C3orf62: variants seen among roughly 807,000 people sequenced by gnomAD.
C3orf62 encodes chromosome 3 open reading frame 62.
C3orf62 carries 16 observed loss-of-function variants against 21.7 expected under a neutral mutation model. The ratio of observed to expected loss-of-function variants is 0.74; its 90% CI spans 0.50 to 1.12. C3orf62 has a LOEUF of 1.12. Ranked by LOEUF, C3orf62 falls within the 50% of genes most tolerant of loss-of-function variation. The pLI is 0.00. For synonymous variants in C3orf62, 114 were observed against 117.0 expected, an observed-to-expected ratio of 0.97 and a Z score of 0.17; for missense variants, 310 against 318.8, an observed-to-expected ratio of 0.97 and a Z score of 0.21.
chr3:49,271,971 G>T (rs1267987494), intron 2 of C3orf62, among the ~76,000 whole-genome samples: 1 of 150,656 alleles, frequency 6.6e-6, no homozygotes, highest in Non-Finnish European at 1.5e-5. Context: ...TGAAAGCCAA[G>T]GAAGATGGTG....
At chr3:49,271,472 C>A (rs2046911490) in intron 2 of C3orf62, 27 bp from the exon 3 acceptor site, 1 of 1,596,608 alleles carries the variant, frequency 6.3e-7, no homozygotes, top group African/African-American at 1.3e-5. Context: ...TTCAGCTTTA[C>A]AATTCCAGTG....
At chr3:49,271,902 C>A (rs2046913552) in intron 2 of C3orf62, among the ~76,000 whole-genome samples, 2 of 137,208 alleles carry the variant, frequency 1.5e-5, no homozygotes, top group African/African-American at 5.6e-5. Context: ...CAGAGTGAGG[C>A]CCTGTCTCAA....
intron 1 of C3orf62, 133 bp from the exon 2 acceptor site, chr3:49,274,273 A>G (rs543681060): frequency 3.0e-6 from 2 of 658,042 alleles, no homozygotes; most frequent in African/African-American, 3.6e-5. Flanking sequence ...TTATGCTTTG[A>G]TTAAAGGACA....
At position 49,277,144 on chromosome 3, in the gene C3orf62, A is replaced by AC. The variant is rs535705777; in HGVS notation, c.-273dup. Reference sequence around the variant, plus strand: ...CTCCCAGGCCGCTGGCCCTACCGGCACCCCCCCTTTGGCGAGTCGGCAGCC... The same window carrying AC: ...CTCCCAGGCCGCTGGCCCTACCGGCACCCCCCCCTTTGGCGAGTCGGCAGCC... On this transcript the variant is annotated 5_prime_UTR_variant, in exon 1 of 3. It introduces an in-frame stop codon into an upstream open reading frame of the 5' UTR. Transcript: ENST00000343010. 1.1e-4 allele frequency: 155 copies of AC among 1,444,386 alleles called. 1 individual carries two copies. Among genetic ancestry groups the AC allele is most frequent in the African/African-American group, 9.6e-4 (68 of 71,016 alleles). The allele number at this position is 1,444,386 out of a possible 1,614,324, so 89.5% of individuals were successfully genotyped here.
rs182287629 is a variant in C3orf62 at position 49,276,880 on chromosome 3, G to A, written c.-8C>T. Reference sequence around the variant, plus strand: ...TGTCTTTATGTAATGCATTGGAAATGCACAGGACAACACAATAATGTTACA... The same window carrying A: ...TGTCTTTATGTAATGCATTGGAAATACACAGGACAACACAATAATGTTACA... On this transcript the variant is annotated 5_prime_UTR_variant, in exon 1 of 3. Transcript: ENST00000343010. The A allele has an allele frequency of 1.6e-5, 26 of 1,606,138 alleles. No individual in the cohort carries two copies. The Middle Eastern group carries it at 6.6e-4, about 41-fold the overall frequency.
Position 49,275,051 on chromosome 3 carries a change from C to T in C3orf62, c.447-911G>A, listed in dbSNP as rs571265809. Reference sequence around the variant, plus strand: ...GCCAGGCTGGTCTCAAACTCCTGACCTCAGGTGATTCATCCGCCTCAGCCT... The same window carrying T: ...GCCAGGCTGGTCTCAAACTCCTGACTTCAGGTGATTCATCCGCCTCAGCCT... On this transcript the variant is annotated intron_variant, in intron 1 of 2. Coordinates refer to ENST00000343010, the MANE Select transcript of C3orf62 (RefSeq NM_198562.3). Among the ~76,000 whole-genome samples, 383 of 152,070 alleles carry T rather than the reference C, an allele frequency of 2.5e-3. 1 individual carries two copies. The highest frequency in any genetic ancestry group is 4.8e-3 in the Non-Finnish European group (329 of 68,000).
intron 2 of C3orf62, among the ~76,000 whole-genome samples, chr3:49,273,106 A>G (rs1361724626): frequency 6.6e-6 from 1 of 152,214 alleles, no homozygotes; most frequent in Admixed American, 6.5e-5. Context: ...GCAGAGTCTG[A>G]GCAAAACATC....
Position 49,276,898 on chromosome 3 carries a change from A to C in C3orf62, c.-26T>G, listed in dbSNP as rs1031659587. The C allele has an allele frequency of 6.3e-7, 1 of 1,582,202 alleles. No individual in the cohort carries two copies. Among genetic ancestry groups the C allele is most frequent in the East Asian group, 2.2e-5 (1 of 44,506 alleles). On this transcript the variant is annotated 5_prime_UTR_variant, in exon 1 of 3. Transcript: ENST00000343010. ...TGGAAATGCACAGGACAACACAATA[A>C]TGTTACAAATGAGGCTGCAAACTAC...
chr3:49,272,339 T>TA (rs576741935), intron 2 of C3orf62, among the ~76,000 whole-genome samples: 69 of 151,926 alleles, frequency 4.5e-4, no homozygotes, highest in African/African-American at 1.5e-3. Flanking sequence ...TCTCTATTTA[T>TA]AAAAAATACT....
At position 49,277,220 on chromosome 3, in the gene C3orf62, A is replaced by C. The variant is rs1012268705; in HGVS notation, c.-348T>G. ...AGTGACGCCGACCCATCCAACGGTC[A>C]TCGCATGCGCGTGCCCCGCGCAGGC... On this transcript the variant is annotated 5_prime_UTR_variant, in exon 1 of 3. An upstream start codon of the reference 5' UTR is lost. Coordinates refer to ENST00000343010, the MANE Select transcript of C3orf62 (RefSeq NM_198562.3). The C allele has an allele frequency of 2.3e-6, 3 of 1,326,258 alleles. No individual in the cohort carries two copies. In the Admixed American group the frequency reaches 6.7e-5, roughly 30 times the overall value. The allele number at this position is 1,326,258 out of a possible 1,614,324, so 82.2% of individuals were successfully genotyped here.
intron 2 of C3orf62, 91 bp downstream of exon 2, chr3:49,273,958 G>T: frequency 1.1e-6 from 1 of 935,072 alleles, no homozygotes; most frequent in Non-Finnish European, 1.7e-6. Flanking sequence ...CTGGCCGAGA[G>T]CATTTCTTAT....
intron 1 of C3orf62, 83 bp downstream of exon 1, chr3:49,276,344 A>G (rs2046959545): frequency 1.4e-6 from 2 of 1,400,890 alleles, no homozygotes; most frequent in African/African-American, 2.9e-5. Context: ...ACTGTCATGA[A>G]CTAAATCTAG....
rs753561198 is a variant in C3orf62 at position 49,276,695 on chromosome 3, C to CG, written c.177dup (p.Val60ArgfsTer28). The CG allele has an allele frequency of 6.2e-7, 1 of 1,614,166 alleles. No homozygotes were observed. Among genetic ancestry groups the CG allele is most frequent in the Non-Finnish European group, 8.5e-7 (1 of 1,180,036 alleles). On this transcript the variant is annotated frameshift_variant, in exon 1 of 3. Transcript: ENST00000343010. LOFTEE classifies it high-confidence loss of function. Reference sequence around the variant, plus strand: ...TGTCTTCTGCAGAGGAGCCTGTGCACGGGCAGCGAGAAGGAGAGCGGCGCG... The same window carrying CG: ...TGTCTTCTGCAGAGGAGCCTGTGCACGGGGCAGCGAGAAGGAGAGCGGCGCG...
At position 49,270,974 on chromosome 3, in the gene C3orf62, T is replaced by A; in HGVS notation, c.*206A>T. 5.4e-6 allele frequency: 3 copies of A among 556,726 alleles called. No individual in the cohort carries two copies. The highest frequency in any genetic ancestry group is 3.4e-5 in the Admixed American group (1 of 29,188). The allele number at this position is 556,726 out of a possible 1,614,324, so 34.5% of individuals were successfully genotyped here. A position where few individuals can be genotyped will look rare whatever the true frequency, so the allele number is the denominator to read the frequency against. ...AAGGAAAGTTAAAAAAAAAAATCAG[T>A]AATAGGAAACATTTCAAAGCAATGG... On this transcript the variant is annotated 3_prime_UTR_variant, in exon 3 of 3. Transcript: ENST00000343010.
rs59375945 is a variant in C3orf62, at chr3:49,275,519, G to GTTTTTTTTTTTTTT, written c.446+894_446+907dup. ...GCAGCCAAGATGGCAGAACTTTGAA[G>GTTTTTTTTTTTTTT]TTTTTTTTTTTTTTTTTTTTTTTTT... On this transcript the variant is annotated intron_variant, in intron 1 of 2. Transcript: ENST00000343010. Among the ~76,000 whole-genome samples, 6 of 69,292 alleles carry GTTTTTTTTTTTTTT rather than the reference G, an allele frequency of 8.7e-5. 2 individuals carry two copies. Among genetic ancestry groups the GTTTTTTTTTTTTTT allele is most frequent in the Admixed American group, 4.6e-4 (2 of 4,308 alleles). The allele number at this position is 69,292 out of a possible 152,430, so 45.5% of individuals were successfully genotyped here. A position where few individuals can be genotyped will look rare whatever the true frequency, so the allele number is the denominator to read the frequency against.
At chr3:49,273,953 C>G in intron 2 of C3orf62, 96 bp downstream of exon 2, 1 of 901,086 alleles carries the variant, frequency 1.1e-6, no homozygotes, top group Admixed American at 1.8e-5. Flanking sequence ...CGTGCCTGGC[C>G]GAGAGCATTT....
chr3:49,277,146 C>A lies in C3orf62; in HGVS notation c.-274G>T. ...CCCAGGCCGCTGGCCCTACCGGCACCCCCCCTTTGGCGAGTCGGCAGCCAC... is the reference window on the plus strand; with the variant it reads ...CCCAGGCCGCTGGCCCTACCGGCACACCCCCTTTGGCGAGTCGGCAGCCAC... On this transcript the variant is annotated 5_prime_UTR_variant, in exon 1 of 3. Transcript: ENST00000343010. The A allele has an allele frequency of 6.9e-7, 1 of 1,442,322 alleles. No homozygotes were observed. The highest frequency in any genetic ancestry group is 2.1e-5 in the Admixed American group (1 of 47,964). 89.3% of individuals were successfully genotyped at this position (1,442,322 alleles called of 1,614,324 possible). A position where few individuals can be genotyped will look rare whatever the true frequency, so the allele number is the denominator to read the frequency against.
In C3orf62 at chr3:49,273,596, A is replaced by G. The variant is rs558773542; in HGVS notation, c.538+453T>C. On this transcript the variant is annotated intron_variant, in intron 2 of 2. Transcript: ENST00000343010. ...GGGCACACACCACTGTGCCCAGCTAATTAAAAAAAATTTTAAGAGACAGAT... is the reference window on the plus strand; with the variant it reads ...GGGCACACACCACTGTGCCCAGCTAGTTAAAAAAAATTTTAAGAGACAGAT... Among the ~76,000 whole-genome samples, 14 of 152,152 alleles carry G rather than the reference A, an allele frequency of 9.2e-5. No individual in the cohort carries two copies. In the South Asian group the frequency reaches 2.9e-3, roughly 32 times the overall value.
Position 49,271,026 on chromosome 3 carries a change from A to G in C3orf62, c.*154T>C. Reference sequence around the variant, plus strand: ...ATTCAAAAAACTGGTCTCACAGCTTAAAAAGGGACACAACTGGGATTTAAA... The same window carrying G: ...ATTCAAAAAACTGGTCTCACAGCTTGAAAAGGGACACAACTGGGATTTAAA... On this transcript the variant is annotated 3_prime_UTR_variant, in exon 3 of 3. Transcript: ENST00000343010. 2 of 729,618 alleles carry G rather than the reference A, an allele frequency of 2.7e-6. No individual in the cohort carries two copies. Among genetic ancestry groups the G allele is most frequent in the South Asian group, 3.9e-5 (2 of 50,932 alleles). 45.2% of individuals were successfully genotyped at this position (729,618 alleles called of 1,614,324 possible). A position where few individuals can be genotyped will look rare whatever the true frequency, so the allele number is the denominator to read the frequency against.
Sources: allele counts gnomAD v4.1 joint callset (sites outside exome capture counted in the v4.1 genomes callset), GRCh38; gene constraint gnomAD v4.1.1; transcripts MANE v1.5; gene names NCBI Gene and HGNC (gene_info 2026-07-23, HGNC 2026-07-21).